The following PCDH9 variants were observed in gnomAD, a reference collection of about 807,000 sequenced individuals.
The protein encoded by PCDH9 is protocadherin 9.
In PCDH9, 24 loss-of-function variants were observed where a neutral mutation model predicts 70.6. The observed-to-expected ratio is 0.34, with a 90% CI of 0.25 to 0.48. PCDH9 has a LOEUF of 0.48. Ranked by LOEUF, PCDH9 falls within the 20% of genes least tolerant of loss-of-function variation. PCDH9 has a pLI of 0.99. For synonymous variants in PCDH9, 562 were observed against 558.5 expected, an observed-to-expected ratio of 1.01 and a Z score of -0.09; for missense variants, 1,281 against 1,503.6, an observed-to-expected ratio of 0.85 and a Z score of 2.45.
intron 4 of PCDH9, among the ~76,000 whole-genome samples, chr13:66,432,290 T>G (rs935111560): frequency 6.6e-6 from 1 of 151,946 alleles, no homozygotes; most frequent in African/African-American, 2.4e-5. Context: ...AATAGAAGAA[T>G]ATCAGAGAAG....
intron 3 of PCDH9, among the ~76,000 whole-genome samples, chr13:66,759,380 A>C (rs1184483394): frequency 6.6e-6 from 1 of 152,096 alleles, no homozygotes; most frequent in Non-Finnish European, 1.5e-5. Flanking sequence ...GTACCCTCAC[A>C]GGTGCTGTGA....
At chr13:66,899,741 C>CA (rs2082246973) in intron 3 of PCDH9, among the ~76,000 whole-genome samples, 1 of 151,876 alleles carries the variant, frequency 6.6e-6, no homozygotes, top group African/African-American at 2.4e-5. Flanking sequence ...GCATTTATGG[C>CA]ATAAAAACAA....
At chr13:66,960,230 T>C (rs1005512470) in intron 2 of PCDH9, among the ~76,000 whole-genome samples, 5 of 152,230 alleles carry the variant, frequency 3.3e-5, no homozygotes, top group African/African-American at 9.6e-5. Flanking sequence ...GTCAGTGTTC[T>C]ATAAACATCT....
chr13:66,430,522 C>T (rs563096068), intron 4 of PCDH9, among the ~76,000 whole-genome samples: 2 of 152,088 alleles, frequency 1.3e-5, no homozygotes, highest in African/African-American at 4.8e-5. Flanking sequence ...CATAGTATAT[C>T]CATTTATTCA....
chr13:67,144,175 A>G (rs1470068835), intron 2 of PCDH9, among the ~76,000 whole-genome samples: 1 of 152,180 alleles, frequency 6.6e-6, no homozygotes, highest in Non-Finnish European at 1.5e-5. Context: ...TGGTGTTGCC[A>G]CATAATCTCC....
At chr13:66,475,268 G>T (rs1210738898) in intron 4 of PCDH9, among the ~76,000 whole-genome samples, 1 of 152,032 alleles carries the variant, frequency 6.6e-6, no homozygotes, top group African/African-American at 2.4e-5. Flanking sequence ...AAGCACACTT[G>T]CTGGCACATA....
intron 2 of PCDH9, among the ~76,000 whole-genome samples, chr13:66,931,017 A>G (rs1044047874): frequency 1.3e-5 from 2 of 152,168 alleles, no homozygotes; most frequent in Admixed American, 6.6e-5. Context: ...CACACACTGA[A>G]TGTGTTCAGG....
chr13:66,491,149 C>G (rs867149642), intron 4 of PCDH9, among the ~76,000 whole-genome samples: 2 of 152,204 alleles, frequency 1.3e-5, no homozygotes, highest in South Asian at 4.2e-4. Flanking sequence ...CTTCTTTTGC[C>G]TCCCCTCTTT....
intron 2 of PCDH9, among the ~76,000 whole-genome samples, chr13:67,154,605 T>TACACACACACAC (rs765270091): frequency 2.1e-5 from 2 of 93,284 alleles, no homozygotes; most frequent in African/African-American, 4.6e-5. Flanking sequence ...AATATATATA[T>TACACACACACAC]ACACACACAC....
At chr13:66,450,128 G>A (rs1311104227) in intron 4 of PCDH9, among the ~76,000 whole-genome samples, 1 of 152,036 alleles carries the variant, frequency 6.6e-6, no homozygotes, top group Non-Finnish European at 1.5e-5. Flanking sequence ...TCTTACCCTA[G>A]AAAATGTCAG....
At chr13:66,848,303 C>T (rs2081248350) in intron 3 of PCDH9, among the ~76,000 whole-genome samples, 2 of 152,168 alleles carry the variant, frequency 1.3e-5, no homozygotes, top group African/African-American at 4.8e-5. Context: ...TCTACAATTA[C>T]ATTTTTCACC....
chr13:66,304,773 C>T lies in PCDH9; in HGVS notation c.3596G>A (p.Gly1199Asp). The T allele has an allele frequency of 6.2e-7, 1 of 1,613,454 alleles. No homozygotes were observed. The highest frequency in any genetic ancestry group is 8.5e-7 in the Non-Finnish European group (1 of 1,179,716). ...RNQFNDRKQY[G>D]SNEGHFNNGS... Reference sequence around the variant, plus strand: ...ATTGTTGAAATGGCCTTCATTGGAGCCATACTGCTTACGGTCATTGAACTG... The same window carrying T: ...ATTGTTGAAATGGCCTTCATTGGAGTCATACTGCTTACGGTCATTGAACTG... Residue 1199 changes from glycine to aspartate, a missense_variant, in exon 5 of 5, where the codon GGC (glycine) becomes GAC (aspartate). This residue lies in a region of PCDH9 where 264 missense variants were observed against 278.8 expected (regional missense o/e 0.95). Transcript: ENST00000377865.
chr13:66,546,369 G>A (rs2138669383), intron 4 of PCDH9, among the ~76,000 whole-genome samples: 2 of 152,100 alleles, frequency 1.3e-5, no homozygotes, highest in Middle Eastern at 6.8e-3. Context: ...GCTAATGTGT[G>A]TGTTTGTATC....
intron 3 of PCDH9, among the ~76,000 whole-genome samples, chr13:66,786,317 C>A (rs1269042688): frequency 6.6e-6 from 1 of 152,180 alleles, no homozygotes; most frequent in Admixed American, 6.5e-5. Flanking sequence ...CTGATGACCA[C>A]CTCCAATCAA....
At chr13:66,761,742 A>C (rs548441905) in intron 3 of PCDH9, among the ~76,000 whole-genome samples, 94 of 152,132 alleles carry the variant, frequency 6.2e-4, no homozygotes, top group Admixed American at 1.2e-3. Context: ...AGCTCTGTTA[A>C]ATTTCTAGTT....
chr13:66,513,875 G>T (rs560860822), intron 4 of PCDH9, among the ~76,000 whole-genome samples: 1 of 151,930 alleles, frequency 6.6e-6, no homozygotes, highest in Admixed American at 6.6e-5. Flanking sequence ...GACATGTGTG[G>T]TTAATTCAAT....
chr13:66,777,980 T>C (rs909005828), intron 3 of PCDH9, among the ~76,000 whole-genome samples: 1 of 151,808 alleles, frequency 6.6e-6, no homozygotes, highest in South Asian at 2.1e-4. Flanking sequence ...ATGTCCTTTG[T>C]AGGGACATGG....
intron 3 of PCDH9, among the ~76,000 whole-genome samples, chr13:66,685,031 A>G (rs1160801178): frequency 4.2e-5 from 3 of 72,226 alleles, no homozygotes; most frequent in Non-Finnish European, 1.1e-4. Flanking sequence ...AATAGAAAAG[A>G]AAAAAAAAAC....
In PCDH9 at chr13:66,700,940, A is replaced by G. The variant is rs79926590; in HGVS notation, c.3139-69529T>C. 7.5e-3 allele frequency among the ~76,000 whole-genome samples: 930 copies of G among 124,314 alleles called. 38 individuals are homozygous for G. Among genetic ancestry groups the G allele is most frequent in the Non-Finnish European group, 9.0e-3 (532 of 59,332 alleles). 81.6% of individuals were successfully genotyped at this position (124,314 alleles called of 152,430 possible). On this transcript the variant is annotated intron_variant, in intron 3 of 4. Coordinates refer to ENST00000377865, the MANE Select transcript of PCDH9 (RefSeq NM_203487.3). ...TACATATAAATATATATATATATAT[A>G]TATATATATATATATATATATATAT...
Sources: gnomAD v4.1 joint callset for allele counts (sites outside exome capture counted in the v4.1 genomes callset) on GRCh38, gnomAD v4.1.1 for gene constraint, gnomAD v4.1.1 regional missense constraint, MANE v1.5 for transcripts, NCBI Gene and HGNC (gene_info 2026-07-23, HGNC 2026-07-21) for gene names.